TNIK: variants seen among roughly 807,000 people sequenced by gnomAD.
The protein encoded by TNIK is TRAF2 and NCK-interacting protein kinase.
TNIK carries 49 observed loss-of-function variants against 191.3 expected under a neutral mutation model. The observed-to-expected ratio is 0.26, with a 90% CI of 0.20 to 0.32. The LOEUF is 0.32. Ranked by LOEUF, TNIK falls within the 10% of genes least tolerant of loss-of-function variation. TNIK has a pLI of 1.00. For synonymous variants in TNIK, 594 were observed against 600.9 expected (o/e 0.99, Z 0.17); for missense variants, 1,155 against 1,702.3 (o/e 0.68, Z 5.66).
rs940354096 is a variant in TNIK, at chr3:171,159,287, G to C, written c.1017-1623C>G. Among the ~76,000 whole-genome samples, 1 of 152,056 alleles carries C rather than the reference G, an allele frequency of 6.6e-6. No homozygotes were observed. Among genetic ancestry groups the C allele is most frequent in the Admixed American group, 6.5e-5 (1 of 15,274 alleles). On this transcript the variant is annotated intron_variant, in intron 11 of 32. Transcript: ENST00000436636. The surrounding 1 kb of genome is among the most constrained non-coding windows in gnomAD (Gnocchi z 4.1). ...CATGTGGAGTGAGGGATGACTTGCA[G>C]GTTCTGTCTTGGTGGCTGGGTGACG...
chr3:171,210,545 C>A (rs188908227), intron 4 of TNIK, among the ~76,000 whole-genome samples: 1 of 152,134 alleles, frequency 6.6e-6, no homozygotes, highest in Admixed American at 6.5e-5. Flanking sequence ...TTGCAGAGTC[C>A]CTACTTGGTA....
intron 1 of TNIK, among the ~76,000 whole-genome samples, chr3:171,425,084 A>G (rs1413595393): frequency 6.6e-6 from 1 of 152,168 alleles, no homozygotes; most frequent in Non-Finnish European, 1.5e-5. Context: ...CTGAGTTCGC[A>G]TAAACTGGTA....
intron 2 of TNIK, among the ~76,000 whole-genome samples, chr3:171,247,948 A>G (rs1189318145): frequency 6.6e-6 from 1 of 152,192 alleles, no homozygotes; most frequent in Non-Finnish European, 1.5e-5. Flanking sequence ...TGGTCTGAAA[A>G]GAGATGAAAC....
intron 23 of TNIK, among the ~76,000 whole-genome samples, chr3:171,092,327 G>A (rs1249406565): frequency 6.6e-6 from 1 of 152,140 alleles, no homozygotes; most frequent in Non-Finnish European, 1.5e-5. Context: ...ATTTGGATGT[G>A]GCTGGCAATG....
intron 3 of TNIK, among the ~76,000 whole-genome samples, chr3:171,223,138 C>T (rs1051845746): frequency 4.6e-5 from 7 of 152,146 alleles, no homozygotes; most frequent in Admixed American, 6.5e-5. Flanking sequence ...CTTTTAACCT[C>T]GAAACTAAGC....
intron 12 of TNIK, among the ~76,000 whole-genome samples, chr3:171,144,848 G>T (rs529041643): frequency 2.6e-5 from 4 of 152,156 alleles, no homozygotes; most frequent in African/African-American, 9.7e-5. Context: ...CAGTGAGTGA[G>T]ATCATATGGT....
intron 2 of TNIK, among the ~76,000 whole-genome samples, chr3:171,311,133 CAG>C (rs140290391): frequency 0.077 from 11,709 of 151,242 alleles, 519 homozygotes; most frequent in Middle Eastern, 0.096. Context: ...CACAGTATAG[CAG>C]AGAGAGAGAG....
intron 2 of TNIK, among the ~76,000 whole-genome samples, chr3:171,345,530 T>C (rs1712023110): frequency 6.6e-6 from 1 of 152,036 alleles, no homozygotes; most frequent in African/African-American, 2.4e-5. Context: ...GAAGTATCTA[T>C]GGTTATGGAT....
At chr3:171,206,251 A>G (rs1740058215) in intron 4 of TNIK, among the ~76,000 whole-genome samples, 1 of 151,730 alleles carries the variant, frequency 6.6e-6, no homozygotes, top group Non-Finnish European at 1.5e-5. Flanking sequence ...CCATGTATAT[A>G]TATGATGATA....
chr3:171,165,169 C>T (rs1211255173), intron 10 of TNIK, among the ~76,000 whole-genome samples: 1 of 151,982 alleles, frequency 6.6e-6, no homozygotes, highest in Non-Finnish European at 1.5e-5. Context: ...TGGTGGTGTG[C>T]ACCTGTAGTC....
At chr3:171,264,520 T>G (rs1292844126) in intron 2 of TNIK, among the ~76,000 whole-genome samples, 1 of 152,030 alleles carries the variant, frequency 6.6e-6, no homozygotes, top group Non-Finnish European at 1.5e-5. Context: ...CACACCCGAC[T>G]AATTTTGTAT....
intron 2 of TNIK, among the ~76,000 whole-genome samples, chr3:171,361,460 T>C (rs1304038005): frequency 6.6e-6 from 1 of 152,170 alleles, no homozygotes; most frequent in Non-Finnish European, 1.5e-5. Flanking sequence ...AACCATCTAA[T>C]TCATTATACT....
chr3:171,149,594 A>G (rs1442778186), intron 12 of TNIK, among the ~76,000 whole-genome samples: 2 of 152,162 alleles, frequency 1.3e-5, no homozygotes, highest in African/African-American at 2.4e-5. Context: ...TTTGCGATCC[A>G]CTGGGAGGTG....
At chr3:171,154,319 A>G (rs752073062) in intron 12 of TNIK, among the ~76,000 whole-genome samples, 1 of 152,074 alleles carries the variant, frequency 6.6e-6, no homozygotes, top group Non-Finnish European at 1.5e-5. Context: ...GGCCAGATAG[A>G]ACTGGTTATT....
intron 2 of TNIK, among the ~76,000 whole-genome samples, chr3:171,290,082 T>A (rs1751511914): frequency 6.6e-6 from 1 of 152,092 alleles, no homozygotes; most frequent in South Asian, 2.1e-4. Context: ...TAGGTAATGT[T>A]TTTAGGATAG....
intron 1 of TNIK, among the ~76,000 whole-genome samples, chr3:171,378,512 T>A (rs940471728): frequency 6.6e-6 from 1 of 152,216 alleles, no homozygotes; most frequent in African/African-American, 2.4e-5. Flanking sequence ...CGCTAAAAAT[T>A]CTTTACTCAA....
At chr3:171,316,684 G>C (rs1754629389) in intron 2 of TNIK, among the ~76,000 whole-genome samples, 1 of 152,214 alleles carries the variant, frequency 6.6e-6, no homozygotes, top group South Asian at 2.1e-4. Context: ...GAGCTTTGTG[G>C]AGAAGGGAAA....
chr3:171,443,002 G>A (rs1727019564), intron 1 of TNIK, among the ~76,000 whole-genome samples: 1 of 152,224 alleles, frequency 6.6e-6, no homozygotes, highest in Non-Finnish European at 1.5e-5. Flanking sequence ...AGACAACAGA[G>A]TGTCTGTGCA....
intron 2 of TNIK, among the ~76,000 whole-genome samples, chr3:171,341,716 G>A (rs575528797): frequency 4.6e-5 from 7 of 152,178 alleles, no homozygotes; most frequent in South Asian, 2.1e-4. Context: ...ACTGGTCTAC[G>A]CAGTGGTAGT....
Sources: gnomAD v4.1 joint callset for allele counts (sites outside exome capture counted in the v4.1 genomes callset) on GRCh38, gnomAD v4.1.1 for gene constraint, Gnocchi (gnomAD v3.1) non-coding constraint, MANE v1.5 for transcripts, NCBI Gene and HGNC (gene_info 2026-07-23, HGNC 2026-07-21) for gene names.